Variants in FNBP4 observed in about 807,000 individuals in gnomAD.
FNBP4 encodes formin binding protein 4.
In FNBP4, 34 loss-of-function variants were observed where a neutral mutation model predicts 119.3. The ratio of observed to expected loss-of-function variants is 0.28; its 90% CI spans 0.22 to 0.38. The LOEUF (loss-of-function observed/expected upper bound fraction) is 0.38, where lower values mean the gene tolerates loss of function less well. Among genes scored for constraint, FNBP4 ranks in the 10% least tolerant of loss-of-function variants. The pLI is 1.00. For missense variants in FNBP4, 1,112 were observed against 1,228.9 expected (o/e 0.90, Z 1.42); for synonymous variants, 462 against 430.6 (o/e 1.07, Z -0.90).
chr11:47,739,209 G>T (rs1266876740), intron 8 of FNBP4, among the ~76,000 whole-genome samples: 1 of 151,982 alleles, frequency 6.6e-6, no homozygotes, highest in Admixed American at 6.6e-5. Flanking sequence ...TGGGATTAAA[G>T]CTGAGCTATT....
At chr11:47,725,652 C>T (rs547509865) in intron 12 of FNBP4, 1 of 446,998 alleles carries the variant, frequency 2.2e-6, no homozygotes, top group African/African-American at 2.1e-5. Flanking sequence ...CAGCTTTCCT[C>T]AAACTTTGTA....
At chr11:47,758,240 G>A (rs560307693) in intron 2 of FNBP4, among the ~76,000 whole-genome samples, 1 of 152,204 alleles carries the variant, frequency 6.6e-6, no homozygotes, top group Non-Finnish European at 1.5e-5. Flanking sequence ...GCGCACCACT[G>A]CGCCTGGCTA....
At chr11:47,763,561 C>T (rs953594264) in intron 2 of FNBP4, among the ~76,000 whole-genome samples, 4 of 151,660 alleles carry the variant, frequency 2.6e-5, no homozygotes, top group African/African-American at 7.3e-5. Context: ...AGTGCAGTGG[C>T]GTGATCTCGG....
chr11:47,759,897 G>A (rs1294808849), intron 2 of FNBP4, among the ~76,000 whole-genome samples: 1 of 152,146 alleles, frequency 6.6e-6, no homozygotes, highest in African/African-American at 2.4e-5. Flanking sequence ...TGGTTACAGT[G>A]AGCCGAGGCT....
chr11:47,747,840 C>T (rs1056088411), intron 6 of FNBP4, among the ~76,000 whole-genome samples: 28 of 151,964 alleles, frequency 1.8e-4, no homozygotes, highest in Admixed American at 1.1e-3. Context: ...CCCAGCTATT[C>T]GGGAGGCTGA....
At chr11:47,755,120 TA>T (rs944547390) in intron 2 of FNBP4, among the ~76,000 whole-genome samples, 1 of 105,534 alleles carries the variant, frequency 9.5e-6, no homozygotes, top group African/African-American at 3.8e-5. Flanking sequence ...GGCAAAAGAG[TA>T]AGACTCTGTC....
Position 47,744,019 on chromosome 11 carries a change from T to G in FNBP4, c.1390A>C (p.Ser464Arg), listed in dbSNP as rs747981290. Residue 464 changes from serine to arginine, a missense_variant, in exon 8 of 17, where the codon AGT (serine) becomes CGT (arginine). Physicochemically the swap from Ser to Arg is moderately radical, Grantham distance 110. Around this residue, in one of 2 missense-constraint regions of FNBP4, gnomAD observed 826 missense variants for 988.8 expected, o/e 0.84. Transcript: ENST00000263773. ...GAACTCCTACTGGTAGATTCTGGACTGGTAGCTCGAACAAACATCTTCCAT... is the reference window on the plus strand; with the variant it reads ...GAACTCCTACTGGTAGATTCTGGACGGGTAGCTCGAACAAACATCTTCCAT... ...GKWKMFVRAT[S>R]PESTSRSSSK... 6.2e-7 allele frequency: 1 copy of G among 1,614,200 alleles called. No homozygotes were observed. Among genetic ancestry groups the G allele is most frequent in the East Asian group, 2.2e-5 (1 of 44,894 alleles).
chr11:47,754,508 C>CA lies in FNBP4; in HGVS notation c.450+19dup. 2 of 1,609,362 alleles carry CA rather than the reference C, an allele frequency of 1.2e-6. No individual in the cohort carries two copies. The highest frequency in any genetic ancestry group is 1.7e-6 in the Non-Finnish European group (2 of 1,178,146). ...AAAGTAGCTTCAGTAACTAAAACTCCAAACGAAAGCACCACTAACCGCTAG... is the reference window on the plus strand; with the variant it reads ...AAAGTAGCTTCAGTAACTAAAACTCCAAAACGAAAGCACCACTAACCGCTAG... On this transcript the variant is annotated intron_variant, in intron 3 of 16. Coordinates refer to ENST00000263773, the MANE Select transcript of FNBP4 (RefSeq NM_015308.5).
intron 12 of FNBP4, chr11:47,729,917 T>C (rs572705880): frequency 1.0e-5 from 10 of 985,322 alleles, no homozygotes; most frequent in Non-Finnish European, 1.1e-5. Flanking sequence ...CTTAAGAATA[T>C]AACCTGTTTT....
At position 47,733,034 on chromosome 11, in the gene FNBP4, A is replaced by G. The variant is rs577078645; in HGVS notation, c.1687-364T>C. ...TCGAGAGGCTGAGGCAGGAGAATCA[A>G]CTGAACCCGGGAGGCGGAGGTTGTG... On this transcript the variant is annotated intron_variant, in intron 10 of 16. Coordinates refer to ENST00000263773, the MANE Select transcript of FNBP4 (RefSeq NM_015308.5). 2.1e-3 allele frequency among the ~76,000 whole-genome samples: 327 copies of G among 152,174 alleles called. 3 individuals are homozygous for G. Among genetic ancestry groups the G allele is most frequent in the African/African-American group, 7.6e-3 (316 of 41,544 alleles).
intron 12 of FNBP4, among the ~76,000 whole-genome samples, chr11:47,727,669 C>T (rs1015333569): frequency 1.4e-4 from 21 of 152,200 alleles, no homozygotes; most frequent in Non-Finnish European, 2.8e-4. Flanking sequence ...CTCCAATCTC[C>T]AACTAAGTTT....
At chr11:47,757,782 C>G (rs1185446777) in intron 2 of FNBP4, among the ~76,000 whole-genome samples, 2 of 152,188 alleles carry the variant, frequency 1.3e-5, no homozygotes, top group Admixed American at 1.3e-4. Context: ...GCATGAGCCA[C>G]CACACATAGC....
In FNBP4 at chr11:47,746,174, A is replaced by G. The variant is rs200124691; in HGVS notation, c.1127T>C (p.Leu376Ser). ...CTGAGAAGGGTCTTCTATATTGTCC[A>G]ACATAATTTCCTGTGGCTTTACTAT... ...TTIVKPQEIM[L>S]DNIEDPSQED... The change falls in exon 7 of 17, where the codon TTG becomes TCG. Residue 376 changes from leucine (L) to serine (S), a missense_variant. Leu to Ser is a moderately radical substitution (Grantham distance 145). Transcript: ENST00000263773. The G allele has an allele frequency of 1.0e-4, 166 of 1,614,218 alleles. No homozygotes were observed. The highest frequency in any genetic ancestry group is 1.2e-4 in the Non-Finnish European group (143 of 1,180,042).
chr11:47,727,615 G>A (rs1353537001), intron 12 of FNBP4, among the ~76,000 whole-genome samples: 1 of 151,978 alleles, frequency 6.6e-6, no homozygotes, highest in Non-Finnish European at 1.5e-5. Context: ...TTGTTATGAG[G>A]TCAGCACATT....
intron 3 of FNBP4, 47 bp from the exon 4 acceptor site, chr11:47,753,149 A>C: frequency 6.8e-7 from 1 of 1,479,976 alleles, no homozygotes; most frequent in African/African-American, 1.4e-5. Context: ...ATCAAAAACA[A>C]GAAACTTAAG....
chr11:47,767,193 C>A lies in FNBP4; in HGVS notation c.96G>T (p.Glu32Asp). The change falls in exon 1 of 17, where the codon GAG (glutamate) becomes GAT (aspartate). Residue 32 changes from glutamate (E) to aspartate (D), a missense_variant. By Grantham distance (45) the Glu-to-Asp change is conservative. Around this residue, in one of 2 missense-constraint regions of FNBP4, gnomAD observed 286 missense variants for 240.1 expected, o/e 1.19. Transcript: ENST00000263773. ...PRGSTPGRDP[E>D]PEPDTEPDST... is the part of the protein sequence containing the mutation. ...AGTCCGGCTCAGTGTCGGGTTCCGG[C>A]TCCGGGTCCCGGCCCGGCGTGCTGC... 6.4e-7 allele frequency: 1 copy of A among 1,561,816 alleles called. No individual in the cohort carries two copies. Among genetic ancestry groups the A allele is most frequent in the Non-Finnish European group, 8.6e-7 (1 of 1,159,740 alleles).
At chr11:47,736,105 G>A (rs1378863646) in intron 9 of FNBP4, among the ~76,000 whole-genome samples, 3 of 151,216 alleles carry the variant, frequency 2.0e-5, no homozygotes, top group Non-Finnish European at 4.4e-5. Flanking sequence ...GCCAGGCGTA[G>A]TGGTGGGTGC....
intron 12 of FNBP4, chr11:47,725,800 G>T (rs2097560311): frequency 1.0e-6 from 1 of 982,784 alleles, no homozygotes; most frequent in Non-Finnish European, 1.2e-6. Flanking sequence ...GGGACTATTA[G>T]ATATATATCC....
chr11:47,743,779 C>T lies in FNBP4; in HGVS notation c.1456+174G>A, dbSNP rs939898624. The T allele has an allele frequency of 1.1e-5, 7 of 626,626 alleles. No homozygotes were observed. The Admixed American group carries it at 1.5e-4, about 13-fold the overall frequency. 38.8% of individuals were successfully genotyped at this position (626,626 alleles called of 1,614,324 possible). On this transcript the variant is annotated intron_variant, in intron 8 of 16. Transcript: ENST00000263773. ...AGCCTCTCAGGCTCTTACTCCTCTA[C>T]TAGAAAAAGATCTGGAAAAGGTAGA... is the stretch of plus-strand genomic sequence containing the variant.
Sources: gnomAD v4.1 joint callset for allele counts (sites outside exome capture counted in the v4.1 genomes callset) on GRCh38, gnomAD v4.1.1 for gene constraint, gnomAD v4.1.1 regional missense constraint, MANE v1.5 for transcripts, NCBI Gene and HGNC (gene_info 2026-07-23, HGNC 2026-07-21) for gene names.